FHIT: variants seen among roughly 807,000 people sequenced by gnomAD.
FHIT encodes fragile histidine triad diadenosine triphosphatase, also known as bis(5'-adenosyl)-triphosphatase.
In FHIT, 19 loss-of-function variants were observed where a neutral mutation model predicts 17.9. That is an observed-to-expected ratio of 1.06 (90% CI 0.74 to 1.56). The LOEUF is 1.56. Ranked by LOEUF, FHIT falls within the 40% of genes most tolerant of loss-of-function variation. The pLI is 0.00. For synonymous variants in FHIT, 81 were observed against 69.7 expected (o/e 1.16, Z -0.81); for missense variants, 248 against 189.2 (o/e 1.31, Z -1.82).
intron 5 of FHIT, among the ~76,000 whole-genome samples, chr3:60,092,549 C>A (rs538305359): frequency 2.0e-5 from 3 of 152,132 alleles, no homozygotes; most frequent in Non-Finnish European, 2.9e-5. Context: ...TAGATTGATT[C>A]CATTCAGAGG....
chr3:61,119,213 T>A (rs562863269), intron 2 of FHIT, among the ~76,000 whole-genome samples: 76 of 151,982 alleles, frequency 5.0e-4, no homozygotes, highest in Admixed American at 1.6e-3. Flanking sequence ...TCATAGATAC[T>A]GTGATAGTAA....
At chr3:60,507,311 G>C (rs554196802) in intron 5 of FHIT, among the ~76,000 whole-genome samples, 2 of 152,186 alleles carry the variant, frequency 1.3e-5, no homozygotes, top group African/African-American at 4.8e-5. Flanking sequence ...GTGGAGGAAT[G>C]AAAGAGGCTA....
At chr3:60,550,264 T>A (rs755601923) in intron 4 of FHIT, among the ~76,000 whole-genome samples, 1 of 152,182 alleles carries the variant, frequency 6.6e-6, no homozygotes, top group Admixed American at 6.5e-5. Context: ...GTTTATATGA[T>A]TTGTAAAACA....
chr3:59,776,751 G>A (rs115986337), intron 8 of FHIT, among the ~76,000 whole-genome samples: 50 of 152,264 alleles, frequency 3.3e-4, no homozygotes, highest in African/African-American at 1.1e-3. Flanking sequence ...TGTGCTCAGC[G>A]CTGATCCAAG....
chr3:60,042,314 C>T (rs1056855672), intron 5 of FHIT, among the ~76,000 whole-genome samples: 2 of 152,144 alleles, frequency 1.3e-5, no homozygotes, highest in Non-Finnish European at 2.9e-5. Context: ...ATAGTCCTAC[C>T]ATCGATATAT....
intron 7 of FHIT, among the ~76,000 whole-genome samples, chr3:59,958,680 G>C (rs368594556): frequency 2.0e-5 from 3 of 152,296 alleles, no homozygotes; most frequent in African/African-American, 7.2e-5. Flanking sequence ...ATGTTGGCTA[G>C]GGTTGCAAAA....
intron 5 of FHIT, among the ~76,000 whole-genome samples, chr3:60,289,124 A>G (rs1023726805): frequency 6.6e-6 from 1 of 152,168 alleles, no homozygotes; most frequent in Non-Finnish European, 1.5e-5. Flanking sequence ...TTTACTTTAA[A>G]AGAAAGAGGA....
intron 2 of FHIT, among the ~76,000 whole-genome samples, chr3:61,172,898 C>G (rs1457899240): frequency 6.6e-6 from 1 of 152,090 alleles, no homozygotes; most frequent in Non-Finnish European, 1.5e-5. Flanking sequence ...AGTCAGGGGT[C>G]AGAATGGCCA....
intron 5 of FHIT, among the ~76,000 whole-genome samples, chr3:60,520,531 C>T (rs903293798): frequency 2.3e-4 from 35 of 152,104 alleles, no homozygotes; most frequent in African/African-American, 8.2e-4. Context: ...GCATGTCAGT[C>T]CTAGTCCAAA....
intron 7 of FHIT, among the ~76,000 whole-genome samples, chr3:59,941,422 C>A (rs1706512005): frequency 6.8e-6 from 1 of 146,116 alleles, no homozygotes; most frequent in Admixed American, 6.6e-5. Context: ...ACATTATGAT[C>A]TCTCTCTCTT....
At chr3:60,357,750 C>A (rs1467314153) in intron 5 of FHIT, among the ~76,000 whole-genome samples, 1 of 152,152 alleles carries the variant, frequency 6.6e-6, no homozygotes, top group African/African-American at 2.4e-5. Flanking sequence ...TAACATATTG[C>A]AAAGCATATT....
At chr3:61,148,507 T>A (rs2037292053) in intron 2 of FHIT, among the ~76,000 whole-genome samples, 1 of 152,180 alleles carries the variant, frequency 6.6e-6, no homozygotes, top group Non-Finnish European at 1.5e-5. Context: ...GCTTTCAAGA[T>A]GCATCCATAT....
intron 5 of FHIT, among the ~76,000 whole-genome samples, chr3:60,377,268 G>C (rs1023665505): frequency 2.7e-5 from 4 of 149,964 alleles, no homozygotes; most frequent in Non-Finnish European, 4.4e-5. Context: ...GTGCGATCTC[G>C]GCGATGCCTC....
intron 4 of FHIT, among the ~76,000 whole-genome samples, chr3:60,628,649 T>C (rs2039358299): frequency 6.6e-6 from 1 of 152,206 alleles, no homozygotes; most frequent in East Asian, 1.9e-4. Flanking sequence ...TGATTCTCTC[T>C]GATCATCTAG....
At chr3:60,197,030 G>GAT (rs1248348358) in intron 5 of FHIT, among the ~76,000 whole-genome samples, 2 of 152,152 alleles carry the variant, frequency 1.3e-5, no homozygotes, top group East Asian at 3.8e-4. Flanking sequence ...TACGTAGACA[G>GAT]ATAAAAGAAC....
chr3:61,180,405 A>G (rs2038302107), intron 2 of FHIT, among the ~76,000 whole-genome samples: 2 of 152,366 alleles, frequency 1.3e-5, no homozygotes, highest in East Asian at 3.9e-4. Flanking sequence ...TTCACTTTAC[A>G]GGAAGTCAGA....
intron 5 of FHIT, among the ~76,000 whole-genome samples, chr3:60,434,973 T>C (rs2030078514): frequency 1.3e-5 from 2 of 152,170 alleles, no homozygotes; most frequent in South Asian, 4.1e-4. Context: ...GTGGCATGTA[T>C]CAAAGATCTT....
intron 2 of FHIT, among the ~76,000 whole-genome samples, chr3:61,128,140 T>C (rs1285529788): frequency 6.6e-6 from 1 of 152,096 alleles, no homozygotes; most frequent in African/African-American, 2.4e-5. Flanking sequence ...ACAAAGTTAT[T>C]TAGTGCAAGG....
chr3:61,036,662 T>A lies in FHIT; in HGVS notation c.-111+5385A>T, dbSNP rs190430673. 1.5e-3 allele frequency among the ~76,000 whole-genome samples: 226 copies of A among 152,356 alleles called. 3 individuals carry two copies. The highest frequency in any genetic ancestry group is 2.1e-4 in the Non-Finnish European group (14 of 68,028). ...ATTAAAAAATGTTTTAAGCATTTCA[T>A]CCAGAAGCTACAAAGCATTATGTTG... On this transcript the variant is annotated intron_variant, in intron 3 of 9. Coordinates refer to ENST00000492590, the MANE Select transcript of FHIT (RefSeq NM_002012.4).
Sources: gnomAD v4.1 joint callset for allele counts (sites outside exome capture counted in the v4.1 genomes callset) on GRCh38, gnomAD v4.1.1 for gene constraint, MANE v1.5 for transcripts, NCBI Gene and HGNC (gene_info 2026-07-23, HGNC 2026-07-21) for gene names.